PKD1L1: variants seen among roughly 807,000 people sequenced by gnomAD.
PKD1L1 encodes the protein polycystin 1 like 1, transient receptor potential channel interacting.
A neutral mutation model predicts 323.4 loss-of-function variants in PKD1L1; 236 were observed. The ratio of observed to expected loss-of-function variants is 0.73; its 90% CI spans 0.66 to 0.81. The LOEUF (loss-of-function observed/expected upper bound fraction) is 0.81, where lower values mean the gene tolerates loss of function less well. PKD1L1 is among the 40% of genes least tolerant of loss of function. The probability of loss-of-function intolerance (pLI) is 0.00; values close to 1 mark genes in which losing one functional copy is unlikely to be tolerated. For synonymous variants in PKD1L1, 1,344 were observed against 1,335.0 expected (o/e 1.01, Z -0.15); for missense variants, 3,320 against 3,508.0 (o/e 0.95, Z 1.35).
rs59848490 is a variant in PKD1L1 at position 47,808,267 on chromosome 7, G to A, written c.7807C>T (p.Leu2603Phe). The A allele has an allele frequency of 2.8e-3, 4,536 of 1,614,138 alleles. 127 individuals are homozygous for A. The African/African-American group carries it at 0.054, about 19-fold the overall frequency. Residue 2603 changes from leucine to phenylalanine, a missense_variant, in exon 52 of 57, where the codon CTT becomes TTT. By Grantham distance (22) the Leu-to-Phe change is conservative. Coordinates refer to ENST00000289672, the MANE Select transcript of PKD1L1 (RefSeq NM_138295.5). ...GLCRAFMDLT[L>F]MASWNQRARW... Reference sequence around the variant, plus strand: ...TGTACCTGATTCCATGATGCCATAAGGGTGAGGTCCATAAATGCTCGGCAA... The same window carrying A: ...TGTACCTGATTCCATGATGCCATAAAGGTGAGGTCCATAAATGCTCGGCAA...
Position 47,858,896 on chromosome 7 carries a change from A to T in PKD1L1, c.4150-11T>A. 6.2e-7 allele frequency: 1 copy of T among 1,612,254 alleles called. No homozygotes were observed. Among genetic ancestry groups the T allele is most frequent in the South Asian group, 1.1e-5 (1 of 90,982 alleles). ...ACTCATAAAGCCTAGCTGCATGAAC[A>T]GAAAAGATGTAAATAAAATGCCTGG... On this transcript the variant is annotated splice_polypyrimidine_tract_variant and intron_variant, in intron 26 of 56. Transcript: ENST00000289672.
At chr7:47,820,794 T>A (rs949838546) in intron 46 of PKD1L1, among the ~76,000 whole-genome samples, 2 of 151,604 alleles carry the variant, frequency 1.3e-5, no homozygotes, top group African/African-American at 2.4e-5. Flanking sequence ...TAGGCTTTGA[T>A]AGAAGAACTC....
chr7:47,800,923 C>T, intron 53 of PKD1L1, 44 bp from the exon 54 acceptor site: 6 of 1,529,612 alleles, frequency 3.9e-6, no homozygotes, highest in Non-Finnish European at 5.4e-6. Context: ...GTCACCTCTT[C>T]TTAGGAGTGG....
chr7:47,838,735 G>A (rs1338202607), intron 36 of PKD1L1, among the ~76,000 whole-genome samples: 4 of 151,848 alleles, frequency 2.6e-5, no homozygotes, highest in East Asian at 1.9e-4. Flanking sequence ...AAAATTAGCC[G>A]GGCATGGTGG....
chr7:47,926,616 C>A (rs1434955970), intron 7 of PKD1L1, among the ~76,000 whole-genome samples: 1 of 151,974 alleles, frequency 6.6e-6, no homozygotes, highest in Non-Finnish European at 1.5e-5. Flanking sequence ...ATAAAAATAC[C>A]AATAAGATAT....
chr7:47,809,370 T>C, intron 51 of PKD1L1, 103 bp downstream of exon 51: 1 of 815,704 alleles, frequency 1.2e-6, no homozygotes, highest in Non-Finnish European at 1.9e-6. Flanking sequence ...GCAATAATGT[T>C]GGCAGTAGCT....
chr7:47,885,628 CA>C, intron 18 of PKD1L1, 57 bp downstream of exon 18: 1 of 1,550,028 alleles, frequency 6.5e-7, no homozygotes, highest in Non-Finnish European at 8.7e-7. Flanking sequence ...TCACTGCTTC[CA>C]AAGGTAACTT....
At chr7:47,944,997 C>A (rs1212402671) in intron 1 of PKD1L1, among the ~76,000 whole-genome samples, 1 of 152,182 alleles carries the variant, frequency 6.6e-6, no homozygotes, top group Non-Finnish European at 1.5e-5. Flanking sequence ...GCCAAGTTCC[C>A]AGCTCCATAT....
intron 28 of PKD1L1, among the ~76,000 whole-genome samples, chr7:47,856,690 G>A (rs779578094): frequency 6.6e-6 from 1 of 152,040 alleles, no homozygotes; most frequent in Non-Finnish European, 1.5e-5. Context: ...ACTTTTGTAA[G>A]GTAAAAAAAT....
rs17131941 is a variant in PKD1L1 at position 47,915,570 on chromosome 7, A to T, written c.1090T>A (p.Leu364Met). The T allele has an allele frequency of 6.5e-6, 10 of 1,549,654 alleles. No individual in the cohort carries two copies. The highest frequency in any genetic ancestry group is 8.8e-6 in the Non-Finnish European group (10 of 1,130,320). ...GIFFHLLHFQ[L>M]DMSTYKEAET... ...GCTTCTTTGTAGGTGGACATATCCA[A>T]CTGAAAATGTAAAAGATGAAAAAAA... Residue 364 changes from leucine (L) to methionine (M), a missense_variant, in exon 8 of 57, where the codon TTG becomes ATG. Physicochemically the swap from Leu to Met is conservative, Grantham distance 15. Coordinates refer to ENST00000289672, the MANE Select transcript of PKD1L1 (RefSeq NM_138295.5).
intron 45 of PKD1L1, among the ~76,000 whole-genome samples, chr7:47,823,336 A>G (rs1306887190): frequency 6.6e-6 from 1 of 152,064 alleles, no homozygotes; most frequent in Non-Finnish European, 1.5e-5. Context: ...TGAGACGAGC[A>G]TGTGGTTTTT....
chr7:47,872,172 C>T (rs561761409), intron 24 of PKD1L1, among the ~76,000 whole-genome samples: 27 of 152,212 alleles, frequency 1.8e-4, no homozygotes, highest in Non-Finnish European at 2.2e-4. Context: ...TTTTTCTACC[C>T]CCTGCAGCAG....
chr7:47,942,685 C>T (rs995772430), intron 2 of PKD1L1, among the ~76,000 whole-genome samples: 1 of 152,110 alleles, frequency 6.6e-6, no homozygotes, highest in Non-Finnish European at 1.5e-5. Flanking sequence ...AACCCCACAC[C>T]TGTGGCCATG....
chr7:47,818,094 A>G, intron 46 of PKD1L1: 3 of 1,367,878 alleles, frequency 2.2e-6, no homozygotes. Context: ...TCAAATGCAG[A>G]GCAAATTGGA....
At chr7:47,783,321 ATAAATTAAGATCT>A (rs1786738123) in intron 56 of PKD1L1, among the ~76,000 whole-genome samples, 1 of 128,916 alleles carries the variant, frequency 7.8e-6, no homozygotes, top group African/African-American at 2.9e-5. Flanking sequence ...AAAAGCATTT[ATAAATTAAGATCT>A]ACACAGAGTA....
At chr7:47,899,550 C>A (rs1787032960) in intron 13 of PKD1L1, among the ~76,000 whole-genome samples, 1 of 152,034 alleles carries the variant, frequency 6.6e-6, no homozygotes, top group African/African-American at 2.4e-5. Flanking sequence ...GCAAGCCAGG[C>A]TAGGGGGCCT....
At chr7:47,899,630 G>A (rs1308600905) in intron 13 of PKD1L1, among the ~76,000 whole-genome samples, 1 of 151,488 alleles carries the variant, frequency 6.6e-6, no homozygotes, top group Non-Finnish European at 1.5e-5. Context: ...CTCCCCCAGA[G>A]GGATTTTTTT....
chr7:47,960,413 AAG>A, the PKD1L1 span, among the ~76,000 whole-genome samples: 1 of 148,548 alleles, frequency 6.7e-6, no homozygotes. Context: ...AAGAAAAAAA[AAG>A]AGCTCCATAT....
Position 47,800,627 on chromosome 7 carries a change from A to T in PKD1L1, c.8193+22T>A, listed in dbSNP as rs776874545. 4.4e-6 allele frequency: 7 copies of T among 1,605,286 alleles called. No homozygotes were observed. The South Asian group carries it at 4.4e-5, about 10-fold the overall frequency. On this transcript the variant is annotated intron_variant, in intron 54 of 56. Coordinates refer to ENST00000289672, the MANE Select transcript of PKD1L1 (RefSeq NM_138295.5). ...AAACTTTTACAAACCATAACTTGAAAGTTGGGGATGTGTTTACTTACCATT... is the reference window on the plus strand; with the variant it reads ...AAACTTTTACAAACCATAACTTGAATGTTGGGGATGTGTTTACTTACCATT...
Sources: gnomAD v4.1 joint callset for allele counts (sites outside exome capture counted in the v4.1 genomes callset) on GRCh38, gnomAD v4.1.1 for gene constraint, MANE v1.5 for transcripts, NCBI Gene and HGNC (gene_info 2026-07-23, HGNC 2026-07-21) for gene names.